The following MDFIC variants were observed in gnomAD, a reference collection of about 807,000 sequenced individuals.
MDFIC encodes the protein myoD family inhibitor domain-containing protein.
Under a neutral mutation model 23.2 loss-of-function variants are expected in MDFIC, and 17 were observed. That is an observed-to-expected ratio of 0.73 (90% confidence interval 0.50 to 1.10). The LOEUF is 1.10. Among genes scored for constraint, MDFIC ranks in the 50% least tolerant of loss-of-function variants. The pLI is 0.00. For synonymous variants in MDFIC, 120 were observed against 115.2 expected (o/e 1.04, Z -0.27); for missense variants, 356 against 316.6 (o/e 1.12, Z -0.95).
chr7:114,930,712 A>T (rs867119755), intron 2 of MDFIC, among the ~76,000 whole-genome samples: 2 of 152,206 alleles, frequency 1.3e-5, no homozygotes, highest in South Asian at 2.1e-4. Context: ...ACATCAATTG[A>T]CACCATCTAA....
intron 4 of MDFIC, among the ~76,000 whole-genome samples, chr7:115,009,432 G>T (rs990908277): frequency 2.0e-5 from 3 of 152,186 alleles, no homozygotes; most frequent in African/African-American, 7.2e-5. Flanking sequence ...ATAGTTTTCT[G>T]ATGGCTCAAT....
intron 3 of MDFIC, among the ~76,000 whole-genome samples, chr7:114,951,396 C>G (rs1339862490): frequency 6.6e-6 from 1 of 151,642 alleles, no homozygotes; most frequent in Non-Finnish European, 1.5e-5. Context: ...TGTAAGATTC[C>G]AAAGAGTCTT....
intron 2 of MDFIC, among the ~76,000 whole-genome samples, chr7:114,930,486 A>T (rs1792288312): frequency 6.6e-6 from 1 of 152,214 alleles, no homozygotes; most frequent in African/African-American, 2.4e-5. Flanking sequence ...GTCAGTTCAC[A>T]TATGAGGATT....
At chr7:114,948,161 T>C (rs572651525) in intron 3 of MDFIC, among the ~76,000 whole-genome samples, 4 of 152,286 alleles carry the variant, frequency 2.6e-5, no homozygotes, top group Non-Finnish European at 5.9e-5. Context: ...CTTGCCTCTA[T>C]TATTTCAGAC....
Position 115,011,916 on chromosome 7 carries a change from A to C in MDFIC, c.494-3772A>C, listed in dbSNP as rs375926381. Among the ~76,000 whole-genome samples the C allele has an allele frequency of 6.3e-4, 96 of 152,310 alleles. No individual in the cohort carries two copies. In the South Asian group the frequency reaches 0.019, roughly 30 times the overall value. On this transcript the variant is annotated intron_variant, in intron 4 of 4. Coordinates refer to ENST00000393486, the MANE Select transcript of MDFIC (RefSeq NM_001166345.3). ...AGCATAGCTGAGTTCCTTGGTTTGA[A>C]TCAGACACTAAAACTTTTTTATTTC...
intron 3 of MDFIC, among the ~76,000 whole-genome samples, chr7:114,973,303 C>T (rs1585108957): frequency 6.6e-6 from 1 of 152,178 alleles, no homozygotes; most frequent in South Asian, 2.1e-4. Context: ...CCCCTCCCTG[C>T]TGCCATACAG....
chr7:114,968,383 G>T lies in MDFIC; in HGVS notation c.218-11123G>T, dbSNP rs370261499. Reference sequence around the variant, plus strand: ...CATTTATGTGCTAGAAATTTCCATTGTGTTTAAGCTGTCTATCACATATAA... The same window carrying T: ...CATTTATGTGCTAGAAATTTCCATTTTGTTTAAGCTGTCTATCACATATAA... On this transcript the variant is annotated intron_variant, in intron 3 of 4. Coordinates refer to ENST00000393486, the MANE Select transcript of MDFIC (RefSeq NM_001166345.3). Among the ~76,000 whole-genome samples the T allele has an allele frequency of 2.6e-5, 4 of 152,282 alleles. No homozygotes were observed. In the South Asian group the frequency reaches 6.2e-4, roughly 24 times the overall value.
intron 2 of MDFIC, among the ~76,000 whole-genome samples, chr7:114,931,133 T>C (rs377242961): frequency 1.2e-3 from 189 of 152,348 alleles, no homozygotes; most frequent in African/African-American, 4.3e-3. Flanking sequence ...ACTTTTAATA[T>C]CTACTTTTTA....
At chr7:114,971,729 T>C (rs1793209358) in intron 3 of MDFIC, among the ~76,000 whole-genome samples, 1 of 152,258 alleles carries the variant, frequency 6.6e-6, no homozygotes, top group Non-Finnish European at 1.5e-5. Context: ...TAAAATATAG[T>C]GGATTTTTTT....
intron 3 of MDFIC, among the ~76,000 whole-genome samples, chr7:114,945,926 G>C (rs935111395): frequency 6.6e-6 from 1 of 152,024 alleles, no homozygotes; most frequent in African/African-American, 2.4e-5. Flanking sequence ...CTTAAATTTT[G>C]GAATTTATAA....
chr7:114,961,824 C>G (rs967444765), intron 3 of MDFIC, among the ~76,000 whole-genome samples: 2 of 152,092 alleles, frequency 1.3e-5, no homozygotes, highest in East Asian at 3.9e-4. Flanking sequence ...TCCCATTAGA[C>G]CCGCTCCTAC....
intron 4 of MDFIC, among the ~76,000 whole-genome samples, chr7:114,992,923 G>A (rs987483936): frequency 2.6e-5 from 4 of 152,194 alleles, no homozygotes; most frequent in Admixed American, 2.0e-4. Flanking sequence ...CAGAAGGAAT[G>A]GCAGCAGCTC....
chr7:114,988,651 G>T (rs556907612), intron 4 of MDFIC, among the ~76,000 whole-genome samples: 1 of 152,292 alleles, frequency 6.6e-6, no homozygotes, highest in African/African-American at 2.4e-5. Context: ...TGGAAATTGA[G>T]TAGAAATTAG....
rs534431828 is a variant in MDFIC at position 115,019,437 on chromosome 7, A to G, written c.*3502A>G. On this transcript the variant is annotated 3_prime_UTR_variant, in exon 5 of 5. Coordinates refer to ENST00000393486, the MANE Select transcript of MDFIC (RefSeq NM_001166345.3). ...TAATAACTTTCCATTCTTTATCCAT[A>G]CAAACTCTTTCAGTGCCCTAGATTC... 1.3e-5 allele frequency among the ~76,000 whole-genome samples: 2 copies of G among 152,204 alleles called. No individual in the cohort carries two copies. The highest frequency in any genetic ancestry group is 4.8e-5 in the African/African-American group (2 of 41,556).
At chr7:114,972,799 G>A (rs936881749) in intron 3 of MDFIC, among the ~76,000 whole-genome samples, 2 of 151,688 alleles carry the variant, frequency 1.3e-5, no homozygotes, top group African/African-American at 4.8e-5. Context: ...TTTATTTTTT[G>A]TAGAAACAGA....
intron 3 of MDFIC, among the ~76,000 whole-genome samples, chr7:114,979,015 T>A (rs182203047): frequency 1.2e-3 from 178 of 152,264 alleles, no homozygotes; most frequent in African/African-American, 2.3e-3. Flanking sequence ...GGATTTTTTT[T>A]AAAAACACTG....
At position 114,922,974 on chromosome 7, in the gene MDFIC, C is replaced by A. The variant is rs1438010958; in HGVS notation, c.-60C>A. On this transcript the variant is annotated 5_prime_UTR_variant, in exon 2 of 5. Coordinates refer to ENST00000393486, the MANE Select transcript of MDFIC (RefSeq NM_001166345.3). ...AGCACCTCACAGCCCTTCCTCCGTG[C>A]GCCCTGCCGGGCGGCGAGCTAGGCG... is the stretch of plus-strand genomic sequence containing the variant. The A allele has an allele frequency of 1.3e-6, 2 of 1,549,160 alleles. No homozygotes were observed. The highest frequency in any genetic ancestry group is 1.7e-6 in the Non-Finnish European group (2 of 1,149,510).
chr7:115,007,630 G>GTGTGTGTGTATATATA (rs369718965), intron 4 of MDFIC, among the ~76,000 whole-genome samples: 3 of 132,946 alleles, frequency 2.3e-5, no homozygotes, highest in African/African-American at 9.2e-5. Context: ...GCGTGTGTGT[G>GTGTGTGTGTATATATA]TATATATATA....
At position 115,016,136 on chromosome 7, in the gene MDFIC, GT is replaced by G. The variant is rs928230452; in HGVS notation, c.*205del. ...TGTGAAATTTTAACTACTTTAACTA[GT>G]TTTATAAATTTCTTAATATGTTACA... On this transcript the variant is annotated 3_prime_UTR_variant, in exon 5 of 5. Transcript: ENST00000393486. 14 of 537,340 alleles carry G rather than the reference GT, an allele frequency of 2.6e-5. No homozygotes were observed. In the African/African-American group the frequency reaches 2.7e-4, roughly 10 times the overall value. 33.3% of individuals were successfully genotyped at this position (537,340 alleles called of 1,614,324 possible). A position where few individuals can be genotyped will look rare whatever the true frequency, so the allele number is the denominator to read the frequency against.
Sources: allele counts gnomAD v4.1 joint callset (sites outside exome capture counted in the v4.1 genomes callset), GRCh38; gene constraint gnomAD v4.1.1; transcripts MANE v1.5; gene names NCBI Gene and HGNC (gene_info 2026-07-23, HGNC 2026-07-21).